The following COL24A1 variants were observed in gnomAD, a reference collection of about 807,000 sequenced individuals.
COL24A1 encodes collagen alpha-1(XXIV) chain.
In COL24A1, 224 loss-of-function variants were observed where a neutral mutation model predicts 253.9. That is an observed-to-expected ratio of 0.88 (90% CI 0.79 to 0.99). The LOEUF is 0.99. COL24A1 is among the 50% of genes least tolerant of loss of function. The pLI, the probability that COL24A1 is intolerant of heterozygous loss-of-function variation, is 0.00. For missense variants in COL24A1, 2,131 were observed against 2,068.5 expected, an observed-to-expected ratio of 1.03 and a Z score of -0.59; for synonymous variants, 685 against 673.7, an observed-to-expected ratio of 1.02 and a Z score of -0.26.
intron 7 of COL24A1, among the ~76,000 whole-genome samples, chr1:86,064,047 G>A (rs1022145528): frequency 2.0e-5 from 3 of 151,988 alleles, no homozygotes; most frequent in Non-Finnish European, 4.4e-5. Context: ...AGAGACTAAA[G>A]CACAGTATCT....
chr1:85,828,287 T>G (rs1203917468), intron 43 of COL24A1, among the ~76,000 whole-genome samples: 1 of 151,154 alleles, frequency 6.6e-6, no homozygotes, highest in African/African-American at 2.4e-5. Context: ...GTCTGAGAGA[T>G]AAGTTTGTTA....
rs78444472 is a variant in COL24A1, at chr1:85,954,747, T to G, written c.2562+6502A>C. ...ACTACCCCCTATTACATAGAAGGTA[T>G]ACAACAGCTTTATTGCTGTTTTATA... On this transcript the variant is annotated intron_variant, in intron 24 of 59. Transcript: ENST00000370571. Among the ~76,000 whole-genome samples the G allele has an allele frequency of 1.9e-3, 294 of 152,264 alleles. 3 individuals are homozygous for G. Among genetic ancestry groups the G allele is most frequent in the African/African-American group, 6.8e-3 (284 of 41,540 alleles).
chr1:86,031,520 T>C (rs1398551383), intron 14 of COL24A1, among the ~76,000 whole-genome samples: 9 of 152,128 alleles, frequency 5.9e-5, no homozygotes, highest in Non-Finnish European at 1.3e-4. Flanking sequence ...TGTACAGCTA[T>C]TATGTATTGA....
chr1:85,841,094 CT>C, intron 42 of COL24A1, 127 bp downstream of exon 42: 1 of 648,800 alleles, frequency 1.5e-6, no homozygotes. Flanking sequence ...AAATATCACC[CT>C]CCTATCAAAC....
At chr1:85,891,681 A>G (rs72952585) in intron 31 of COL24A1, among the ~76,000 whole-genome samples, 1,571 of 152,266 alleles carry the variant, frequency 0.01, 23 homozygotes, top group African/African-American at 0.036. Flanking sequence ...CATTATAAGG[A>G]ATCTCTCTGT....
intron 59 of COL24A1, 101 bp downstream of exon 59, chr1:85,734,648 G>T: frequency 2.0e-6 from 2 of 1,018,970 alleles, no homozygotes; most frequent in Non-Finnish European, 3.0e-6. Context: ...TTCTGTATCT[G>T]CAGTTTGTAA....
chr1:85,889,731 C>A, intron 31 of COL24A1, 118 bp from the exon 32 acceptor site: 2 of 636,686 alleles, frequency 3.1e-6, no homozygotes, highest in Non-Finnish European at 5.4e-6. Flanking sequence ...TATTGCTATT[C>A]TTTTTTTTTT....
In COL24A1 at chr1:85,874,643, A is replaced by G. The variant is rs1680927393; in HGVS notation, c.3138+6T>C. On this transcript the variant is annotated splice_donor_region_variant and intron_variant, in intron 35 of 59. Coordinates refer to ENST00000370571, the MANE Select transcript of COL24A1 (RefSeq NM_152890.7). The stretch of plus-strand genomic sequence containing the variant: ...TGTATTAAAAGAGTTTCAAGGGGGC[A>G]CTCACCCGTAAACCTGGTTCCCCAG... 1 of 1,612,028 alleles carries G rather than the reference A, an allele frequency of 6.2e-7. No individual in the cohort carries two copies. The highest frequency in any genetic ancestry group is 1.7e-5 in the Admixed American group (1 of 59,874).
chr1:86,050,677 T>C (rs1482561593), intron 10 of COL24A1, among the ~76,000 whole-genome samples: 1 of 152,034 alleles, frequency 6.6e-6, no homozygotes, highest in African/African-American at 2.4e-5. Context: ...ATGGTAACAA[T>C]TGGGGAGTGT....
intron 55 of COL24A1, among the ~76,000 whole-genome samples, chr1:85,748,002 C>T (rs745477297): frequency 6.6e-6 from 1 of 152,084 alleles, no homozygotes; most frequent in Non-Finnish European, 1.5e-5. Context: ...TCCTTAATGT[C>T]AAAAATTACA....
intron 3 of COL24A1, among the ~76,000 whole-genome samples, chr1:86,124,355 C>T (rs1290833797): frequency 6.7e-6 from 1 of 149,620 alleles, no homozygotes; most frequent in Non-Finnish European, 1.5e-5. Flanking sequence ...ACAATAATCT[C>T]TATCTAAAGT....
chr1:85,896,681 G>A lies in COL24A1; in HGVS notation c.2779-272C>T, dbSNP rs1008929297. On this transcript the variant is annotated intron_variant, in intron 28 of 59. Coordinates refer to ENST00000370571, the MANE Select transcript of COL24A1 (RefSeq NM_152890.7). The stretch of plus-strand genomic sequence containing the variant: ...CCTGGCTAATTTTTTTGTATTTTTA[G>A]TACAGACGGGGTTTCACTGTGTTAG... Among the ~76,000 whole-genome samples the A allele has an allele frequency of 4.6e-5, 7 of 152,182 alleles. No homozygotes were observed. In the East Asian group the frequency reaches 9.7e-4, roughly 21 times the overall value.
intron 10 of COL24A1, among the ~76,000 whole-genome samples, chr1:86,051,029 C>T (rs537237663): frequency 2.8e-4 from 43 of 152,128 alleles, no homozygotes; most frequent in Non-Finnish European, 6.0e-4. Context: ...TGGTAATGCA[C>T]TGATGTTATG....
chr1:86,109,266 G>A (rs529881178), intron 5 of COL24A1, among the ~76,000 whole-genome samples: 14 of 152,136 alleles, frequency 9.2e-5, no homozygotes, highest in East Asian at 3.9e-4. Flanking sequence ...TTAAAGAGTC[G>A]TTTTTCCTCT....
chr1:86,001,671 T>C lies in COL24A1; in HGVS notation c.2311-14017A>G, dbSNP rs571659832. Among the ~76,000 whole-genome samples the C allele has an allele frequency of 6.8e-4, 103 of 152,094 alleles. No homozygotes were observed. The South Asian group carries it at 6.9e-3, about 10-fold the overall frequency. ...GTCTTTCCATGAAAACAGGCTTTGA[T>C]GGGAAGGGCAAATTATAGGGGAAAA... is the stretch of plus-strand genomic sequence containing the variant. On this transcript the variant is annotated intron_variant, in intron 19 of 59. Transcript: ENST00000370571.
intron 1 of COL24A1, among the ~76,000 whole-genome samples, chr1:86,150,678 T>C (rs1002128472): frequency 6.6e-6 from 1 of 152,142 alleles, no homozygotes; most frequent in Non-Finnish European, 1.5e-5. Flanking sequence ...CAAACCATTA[T>C]TGTATATGGG....
intron 31 of COL24A1, among the ~76,000 whole-genome samples, chr1:85,895,020 T>C: frequency 6.6e-6 from 1 of 152,142 alleles, no homozygotes; most frequent in East Asian, 1.9e-4. Context: ...TATACATATA[T>C]GTGTATATAA....
intron 24 of COL24A1, among the ~76,000 whole-genome samples, chr1:85,949,031 A>G (rs1328334466): frequency 6.6e-6 from 1 of 152,104 alleles, no homozygotes; most frequent in Non-Finnish European, 1.5e-5. Context: ...TCATCTTTTC[A>G]GTATCGGTTA....
intron 3 of COL24A1, among the ~76,000 whole-genome samples, chr1:86,116,599 G>C (rs192403241): frequency 3.9e-5 from 6 of 152,014 alleles, no homozygotes; most frequent in Admixed American, 3.9e-4. Context: ...AAACACAAGA[G>C]GGAAATGAGT....
Sources: gnomAD v4.1 joint callset for allele counts (sites outside exome capture counted in the v4.1 genomes callset) on GRCh38, gnomAD v4.1.1 for gene constraint, MANE v1.5 for transcripts, NCBI Gene and HGNC (gene_info 2026-07-23, HGNC 2026-07-21) for gene names.